USP13: variants seen among roughly 807,000 people sequenced by gnomAD.
USP13 encodes the protein ubiquitin specific peptidase 13.
A neutral mutation model predicts 107.8 loss-of-function variants in USP13; 68 were observed. The observed-to-expected ratio is 0.63, with a 90% CI of 0.52 to 0.77. The LOEUF (loss-of-function observed/expected upper bound fraction) is 0.77, where lower values mean the gene tolerates loss of function less well. USP13 is among the 30% of genes least tolerant of loss of function. The pLI is 0.00. For missense variants in USP13, 945 were observed against 1,093.3 expected (o/e 0.86, Z 1.91); for synonymous variants, 377 against 389.5 (o/e 0.97, Z 0.38).
At chr3:179,760,837 A>G (rs1398933809) in intron 16 of USP13, among the ~76,000 whole-genome samples, 3 of 152,212 alleles carry the variant, frequency 2.0e-5, no homozygotes, top group African/African-American at 7.2e-5. Flanking sequence ...GGAATACACT[A>G]AATCTCCCCA....
At chr3:179,674,194 G>A (rs1482986430) in intron 1 of USP13, among the ~76,000 whole-genome samples, 1 of 152,142 alleles carries the variant, frequency 6.6e-6, no homozygotes, top group East Asian at 1.9e-4. Context: ...CGCCCGGCCT[G>A]TTTTGAGATT....
rs1408399498 is a variant in USP13 at position 179,785,003 on chromosome 3, A to C, written c.*862A>C. Reference sequence around the variant, plus strand: ...TTGGGTTTGGGACATTTGCTGGTGTAATGCTAGATGCCCACAGCAGCATAA... The same window carrying C: ...TTGGGTTTGGGACATTTGCTGGTGTCATGCTAGATGCCCACAGCAGCATAA... On this transcript the variant is annotated 3_prime_UTR_variant, in exon 21 of 21. Transcript: ENST00000263966. 1 of 152,230 alleles carries C rather than the reference A, an allele frequency of 6.6e-6. No homozygotes were observed. The highest frequency in any genetic ancestry group is 1.5e-5 in the Non-Finnish European group (1 of 68,044). The allele number at this position is 152,230 out of a possible 1,614,324, so 9.4% of individuals were successfully genotyped here.
intron 10 of USP13, among the ~76,000 whole-genome samples, chr3:179,739,699 A>G (rs2108511260): frequency 6.6e-6 from 1 of 152,230 alleles, no homozygotes; most frequent in East Asian, 1.9e-4. Flanking sequence ...CTGGGATTAC[A>G]TGCACACGCC....
chr3:179,744,960 A>G lies in USP13; in HGVS notation c.1535-83A>G, dbSNP rs982399570. The G allele has an allele frequency of 3.2e-6, 5 of 1,545,052 alleles. No homozygotes were observed. The African/African-American group carries it at 5.5e-5, about 17-fold the overall frequency. ...ACTCTGGCCCAGCGCAGAAGCCTTC[A>G]GGGAAGACTGTCCAAAGAGGGTGCT... On this transcript the variant is annotated intron_variant, in intron 12 of 20. Coordinates refer to ENST00000263966, the MANE Select transcript of USP13 (RefSeq NM_003940.3).
In USP13 at chr3:179,784,548, GA is replaced by G. The variant is rs1715862337; in HGVS notation, c.*411del. ...TGGTGTGGCCTTACCCACAACAAAT[GA>G]AAAGCCCACTTGTGTTTCATATAGA... On this transcript the variant is annotated 3_prime_UTR_variant, in exon 21 of 21. Coordinates refer to ENST00000263966, the MANE Select transcript of USP13 (RefSeq NM_003940.3). The G allele has an allele frequency of 6.4e-6, 1 of 157,328 alleles. No homozygotes were observed. The highest frequency in any genetic ancestry group is 1.4e-5 in the Non-Finnish European group (1 of 71,312). The allele number at this position is 157,328 out of a possible 1,614,324, so 9.7% of individuals were successfully genotyped here. A position where few individuals can be genotyped will look rare whatever the true frequency, so the allele number is the denominator to read the frequency against.
chr3:179,740,523 ACT>A (rs1190395521), intron 11 of USP13, 151 bp downstream of exon 11: 3 of 1,235,664 alleles, frequency 2.4e-6, no homozygotes, highest in Admixed American at 2.3e-5. Flanking sequence ...ATCCCTGGAA[ACT>A]CTCTGCTCAG....
chr3:179,721,091 G>C lies in USP13; in HGVS notation c.901-311G>C. ...CCCAAAGTGTTGGGATTACAGGTGT[G>C]AACCGCTGCGCCCGGCCTCTCTTTA... is the stretch of plus-strand genomic sequence containing the variant. On this transcript the variant is annotated intron_variant, in intron 7 of 20. Transcript: ENST00000263966. The surrounding 1 kb of genome is among the most constrained non-coding windows in gnomAD (Gnocchi z 4.3). 6.6e-6 allele frequency among the ~76,000 whole-genome samples: 1 copy of C among 152,166 alleles called. No homozygotes were observed. Among genetic ancestry groups the C allele is most frequent in the Admixed American group, 6.5e-5 (1 of 15,274 alleles).
intron 19 of USP13, among the ~76,000 whole-genome samples, chr3:179,777,265 T>C (rs187632540): frequency 6.6e-6 from 1 of 152,226 alleles, no homozygotes; most frequent in East Asian, 1.9e-4. Context: ...CCTTTCTCTG[T>C]GTCTGTTTTG....
chr3:179,783,742 C>T (rs987753512), intron 20 of USP13, among the ~76,000 whole-genome samples: 5 of 151,990 alleles, frequency 3.3e-5, no homozygotes, highest in African/African-American at 1.2e-4. Flanking sequence ...ATGGCATGTG[C>T]CTGTGTTCCC....
chr3:179,656,058 A>G (rs1720250365), intron 1 of USP13, among the ~76,000 whole-genome samples: 1 of 152,196 alleles, frequency 6.6e-6, no homozygotes, highest in African/African-American at 2.4e-5. Flanking sequence ...GAAAAAAGAA[A>G]TCATCCCTGC....
chr3:179,655,061 A>T (rs1313422489), intron 1 of USP13, among the ~76,000 whole-genome samples: 1 of 150,918 alleles, frequency 6.6e-6, no homozygotes, highest in Non-Finnish European at 1.5e-5. Context: ...GGCAGTTCCC[A>T]CTAATAGCTT....
chr3:179,683,647 C>G (rs753022837), intron 2 of USP13, among the ~76,000 whole-genome samples: 5 of 152,134 alleles, frequency 3.3e-5, no homozygotes, highest in Non-Finnish European at 7.3e-5. Flanking sequence ...AGGAAAGACC[C>G]GCCCCCATAA....
At position 179,653,372 on chromosome 3, in the gene USP13, C is replaced by G; in HGVS notation, c.147C>G (p.Cys49Trp). 2 of 1,568,232 alleles carry G rather than the reference C, an allele frequency of 1.3e-6. No individual in the cohort carries two copies. Among genetic ancestry groups the G allele is most frequent in the Non-Finnish European group, 1.7e-6 (2 of 1,156,768 alleles). Reference sequence around the variant, plus strand: ...GCGACAGGGTCTACAAGAACGAGTGCGCCTTCTCCTACGACTCTCCCGTAA... The same window carrying G: ...GCGACAGGGTCTACAAGAACGAGTGGGCCTTCTCCTACGACTCTCCCGTAA... Reference protein sequence around the residue: ...RSGDRVYKNECAFSYDSPNSE... With the variant: ...RSGDRVYKNEWAFSYDSPNSE... Residue 49 changes from cysteine to tryptophan, a missense_variant, in exon 1 of 21, where the codon TGC (cysteine) becomes TGG (tryptophan). By Grantham distance (215) the Cys-to-Trp change is radical. Transcript: ENST00000263966. This position sits in a 1 kb window ranked among gnomAD's most constrained non-coding sequence, Gnocchi z 4.0.
At position 179,690,312 on chromosome 3, in the gene USP13, AT is replaced by A. The variant is rs1346250705; in HGVS notation, c.355+12del. ...CCAAGATTTTTTTAGGTAAATAGTT[AT>A]CAGTAGCATGCTCAGATTTTGTGTT... On this transcript the variant is annotated intron_variant, in intron 3 of 20. Transcript: ENST00000263966. The A allele has an allele frequency of 1.2e-6, 2 of 1,612,778 alleles. No individual in the cohort carries two copies. Among genetic ancestry groups the A allele is most frequent in the Non-Finnish European group, 8.5e-7 (1 of 1,178,972 alleles).
chr3:179,782,432 A>G (rs1715780806), intron 20 of USP13, among the ~76,000 whole-genome samples: 1 of 152,182 alleles, frequency 6.6e-6, no homozygotes, highest in African/African-American at 2.4e-5. Flanking sequence ...TTAAGTGTGT[A>G]GTGAACCGGA....
At chr3:179,694,577 T>C (rs1216880403) in intron 3 of USP13, among the ~76,000 whole-genome samples, 1 of 151,782 alleles carries the variant, frequency 6.6e-6, no homozygotes, top group East Asian at 2.0e-4. Flanking sequence ...CCAAGGTGGG[T>C]GGATCACCTG....
intron 6 of USP13, among the ~76,000 whole-genome samples, chr3:179,717,795 A>G (rs1713159043): frequency 6.6e-6 from 1 of 152,148 alleles, no homozygotes; most frequent in African/African-American, 2.4e-5. Flanking sequence ...ACTTTTGGAA[A>G]TGTTTCTTAA....
At chr3:179,655,828 C>T (rs1379482438) in intron 1 of USP13, among the ~76,000 whole-genome samples, 1 of 152,140 alleles carries the variant, frequency 6.6e-6, no homozygotes, top group African/African-American at 2.4e-5. Context: ...GCCAGGATTA[C>T]AGGCGTGAGC....
chr3:179,736,521 A>T (rs1224429657), intron 10 of USP13, among the ~76,000 whole-genome samples: 1 of 152,246 alleles, frequency 6.6e-6, no homozygotes, highest in African/African-American at 2.4e-5. Context: ...TGTGAACCCC[A>T]GGAACTGGTC....
Sources: allele counts gnomAD v4.1 joint callset (sites outside exome capture counted in the v4.1 genomes callset), GRCh38; gene constraint gnomAD v4.1.1; non-coding constraint Gnocchi (gnomAD v3.1); transcripts MANE v1.5; gene names NCBI Gene and HGNC (gene_info 2026-07-23, HGNC 2026-07-21).